Variants in PRDM1 observed in about 807,000 individuals in gnomAD.
The protein encoded by PRDM1 is PR/SET domain 1.
A neutral mutation model predicts 62.8 loss-of-function variants in PRDM1; 13 were observed. The observed-to-expected ratio is 0.21, with a 90% CI of 0.13 to 0.33. The LOEUF is 0.33. Among genes scored for constraint, PRDM1 ranks in the 10% least tolerant of loss-of-function variants. The probability of loss-of-function intolerance (pLI) is 1.00; values close to 1 mark genes in which losing one functional copy is unlikely to be tolerated. For synonymous variants in PRDM1, 396 were observed against 417.6 expected (o/e 0.95, Z 0.63); for missense variants, 895 against 1,058.8 (o/e 0.85, Z 2.15).
At chr6:106,048,780 T>C (rs4584024) in intron 1 of PRDM1, among the ~76,000 whole-genome samples, 138,082 of 152,124 alleles carry the variant, frequency 0.91, 62,800 homozygotes, top group African/African-American at 0.95. Flanking sequence ...CTTTTCCACT[T>C]CTTAGTATTT....
intron 1 of PRDM1, among the ~76,000 whole-genome samples, chr6:106,027,591 A>C (rs1772783235): frequency 6.6e-6 from 1 of 151,900 alleles, no homozygotes; most frequent in South Asian, 2.1e-4. Flanking sequence ...AGAGTTGTAA[A>C]GTACAGACTG....
At chr6:106,047,555 G>A (rs1773100030), upstream of PRDM1, among the ~76,000 whole-genome samples, 1 of 152,190 alleles carries the variant, frequency 6.6e-6, no homozygotes, top group African/African-American at 2.4e-5. Flanking sequence ...TAGGAAGTTA[G>A]TAGGACCTAA....
chr6:106,025,561 T>G (rs1772752898), intron 1 of PRDM1, among the ~76,000 whole-genome samples: 1 of 152,232 alleles, frequency 6.6e-6, no homozygotes, highest in African/African-American at 2.4e-5. Context: ...ATCTTGAATC[T>G]GCTTTTTAGA....
At chr6:106,027,542 T>A (rs779579031) in intron 1 of PRDM1, among the ~76,000 whole-genome samples, 6 of 151,516 alleles carry the variant, frequency 4.0e-5, no homozygotes, top group Non-Finnish European at 5.9e-5. Context: ...AAAGGGGAGT[T>A]TTGGCATGAG....
rs139534654 is a variant in PRDM1 at position 106,095,674 on chromosome 6, A to G, written c.351A>G (p.Ile117Met). ...AGGGCACACGTTTTGGACCCCTAAT[A>G]GGTGAAATCTACACCAATGACACAG... ...IPKGTRFGPL[I>M]GEIYTNDTVP... The change falls in exon 3 of 7, where the codon ATA (isoleucine) becomes ATG (methionine). Residue 117 changes from isoleucine to methionine, a missense_variant. Ile to Met is a conservative substitution (Grantham distance 10). Around this residue, in one of 4 missense-constraint regions of PRDM1, gnomAD observed 213 missense variants for 283.9 expected, o/e 0.75. Coordinates refer to ENST00000369096, the MANE Select transcript of PRDM1 (RefSeq NM_001198.4). The G allele has an allele frequency of 1.2e-3, 1,978 of 1,612,650 alleles. No individual in the cohort carries two copies. Among genetic ancestry groups the G allele is most frequent in the Non-Finnish European group, 1.5e-3 (1,824 of 1,179,420 alleles).
At chr6:106,019,019 C>T (rs1772659281) in intron 1 of PRDM1, among the ~76,000 whole-genome samples, 1 of 151,886 alleles carries the variant, frequency 6.6e-6, no homozygotes, top group Non-Finnish European at 1.5e-5. Flanking sequence ...CCTGTAATCC[C>T]AGCACTTAGA....
rs1328537546 is a variant in PRDM1 at position 106,106,305 on chromosome 6, G to T, written c.1774-66G>T. ...ATATTTGCATCAACACTTGAGTCTT[G>T]GAGCAGAAATGTTAGGTCTCAGAGC... On this transcript the variant is annotated intron_variant, in intron 5 of 6. Transcript: ENST00000369096. The surrounding 1 kb of genome is among the most constrained non-coding windows in gnomAD (Gnocchi z 4.4). The T allele has an allele frequency of 6.3e-7, 1 of 1,585,706 alleles. No individual in the cohort carries two copies. The highest frequency in any genetic ancestry group is 8.6e-7 in the Non-Finnish European group (1 of 1,161,374).
At chr6:106,000,121 T>C (rs751378671) in intron 1 of PRDM1, among the ~76,000 whole-genome samples, 7 of 152,124 alleles carry the variant, frequency 4.6e-5, no homozygotes, top group Admixed American at 6.5e-5. Flanking sequence ...AGTGCTGGGA[T>C]TACAGGCGTG....
At position 106,107,543 on chromosome 6, in the gene PRDM1, C is replaced by G; in HGVS notation, c.*57C>G. The G allele has an allele frequency of 6.8e-7, 1 of 1,465,772 alleles. No homozygotes were observed. The allele number at this position is 1,465,772 out of a possible 1,614,324, so 90.8% of individuals were successfully genotyped here. The stretch of plus-strand genomic sequence containing the variant: ...AGTTATGACTTGGTGAGTCAGGGTG[C>G]CTGTAGGAAGTGGCTTGTACATAAT... On this transcript the variant is annotated 3_prime_UTR_variant, in exon 7 of 7. Transcript: ENST00000369096.
intron 4 of PRDM1, chr6:106,100,133 T>C (rs1484663123): frequency 1.3e-5 from 2 of 152,318 alleles, no homozygotes; most frequent in African/African-American, 2.4e-5. Context: ...TATCACTTTA[T>C]CTTAACAAAT....
In PRDM1 at chr6:106,023,597, C is replaced by G. The variant is rs191044570; in HGVS notation, c.-67+29958C>G. ...TTTTCTTCATCTAACAGGAATTTTG[C>G]TGAGTTCTTATCATTTCTGTTGTGT... On this transcript the variant is annotated intron_variant, in intron 1 of 6. Transcript: ENST00000652320. Among the ~76,000 whole-genome samples, 685 of 152,280 alleles carry G rather than the reference C, an allele frequency of 4.5e-3. 5 individuals are homozygous for G. The highest frequency in any genetic ancestry group is 0.016 in the African/African-American group (661 of 41,558).
intron 2 of PRDM1, among the ~76,000 whole-genome samples, chr6:106,089,194 G>A (rs1322272900): frequency 6.6e-6 from 1 of 152,186 alleles, no homozygotes; most frequent in Non-Finnish European, 1.5e-5. Context: ...GTGATGTTTA[G>A]CTGTGAAATA....
chr6:106,035,678 C>A (rs571369133), intron 1 of PRDM1, among the ~76,000 whole-genome samples: 1 of 152,174 alleles, frequency 6.6e-6, no homozygotes, highest in East Asian at 1.9e-4. Flanking sequence ...ATTAGTATAC[C>A]TACCCTGCTT....
rs565965311 is a variant in PRDM1 at position 106,107,062 on chromosome 6, G to A, written c.2054G>A (p.Arg685Gln). ...KLHKRLHTRE[R>Q]PHKCSQCHKN... Reference sequence around the variant, plus strand: ...CACAAGCGTCTGCACACCCGGGAGCGGCCCCACAAGTGCTCCCAGTGCCAC... The same window carrying A: ...CACAAGCGTCTGCACACCCGGGAGCAGCCCCACAAGTGCTCCCAGTGCCAC... The change falls in exon 7 of 7, where the codon CGG becomes CAG. Residue 685 changes from arginine to glutamine, a missense_variant. By Grantham distance (43) the Arg-to-Gln change is conservative (BLOSUM62 1). Transcript: ENST00000369096. The A allele has an allele frequency of 1.2e-5, 20 of 1,614,160 alleles. No individual in the cohort carries two copies. The highest frequency in any genetic ancestry group is 8.3e-5 in the Admixed American group (5 of 60,024).
At chr6:106,030,847 C>T (rs970718349) in intron 1 of PRDM1, among the ~76,000 whole-genome samples, 3 of 152,170 alleles carry the variant, frequency 2.0e-5, no homozygotes, top group Admixed American at 6.5e-5. Flanking sequence ...CAAATATGTG[C>T]GGGTCTATTT....
intron 1 of PRDM1, among the ~76,000 whole-genome samples, chr6:106,016,879 C>T (rs528436091): frequency 3.5e-4 from 54 of 152,238 alleles, no homozygotes; most frequent in Non-Finnish European, 5.3e-4. Context: ...GTCTCGAACT[C>T]TTGACTTTGT....
intron 1 of PRDM1, among the ~76,000 whole-genome samples, chr6:106,057,454 C>T (rs1478289356): frequency 6.6e-6 from 1 of 152,094 alleles, no homozygotes; most frequent in African/African-American, 2.4e-5. Context: ...AGGCAGTGGT[C>T]CTTACTTTTT....
chr6:106,057,947 A>T (rs190187653), intron 1 of PRDM1, among the ~76,000 whole-genome samples: 1 of 152,342 alleles, frequency 6.6e-6, no homozygotes, highest in African/African-American at 2.4e-5. Context: ...ATAGAACTTG[A>T]TGCAAGTGAA....
intron 1 of PRDM1, among the ~76,000 whole-genome samples, chr6:106,028,214 C>A (rs952602896): frequency 2.6e-5 from 4 of 152,164 alleles, no homozygotes; most frequent in African/African-American, 9.7e-5. Flanking sequence ...GATTTTTCCT[C>A]ACACTGAGGT....
Sources: gnomAD v4.1 joint callset for allele counts (sites outside exome capture counted in the v4.1 genomes callset) on GRCh38, gnomAD v4.1.1 for gene constraint, gnomAD v4.1.1 regional missense constraint, Gnocchi (gnomAD v3.1) non-coding constraint, MANE v1.5 for transcripts, NCBI Gene and HGNC (gene_info 2026-07-23, HGNC 2026-07-21) for gene names.